PTPRG: variants seen among roughly 807,000 people sequenced by gnomAD.
PTPRG encodes the protein receptor-type tyrosine-protein phosphatase gamma.
Under a neutral mutation model 165.3 loss-of-function variants are expected in PTPRG, and 102 were observed. The ratio of observed to expected loss-of-function variants is 0.62; its 90% CI spans 0.53 to 0.73. PTPRG has a LOEUF of 0.73. PTPRG is among the 30% of genes least tolerant of loss of function. The probability of loss-of-function intolerance (pLI) is 0.00; values close to 1 mark genes in which losing one functional copy is unlikely to be tolerated. For synonymous variants in PTPRG, 675 were observed against 669.5 expected (o/e 1.01, Z -0.13); for missense variants, 1,866 against 1,861.4 (o/e 1.00, Z -0.05).
chr3:61,914,668 T>C (rs1430668620), intron 2 of PTPRG, among the ~76,000 whole-genome samples: 3 of 152,244 alleles, frequency 2.0e-5, no homozygotes, highest in Non-Finnish European at 4.4e-5. Flanking sequence ...GTTTCATTAA[T>C]TCAATCTTCT....
chr3:62,124,914 G>C (rs532943543), intron 5 of PTPRG, among the ~76,000 whole-genome samples: 10 of 152,220 alleles, frequency 6.6e-5, no homozygotes, highest in African/African-American at 2.4e-4. Context: ...TAAGCCACTA[G>C]ATCTAGCCCA....
rs1559734730 is a variant in PTPRG at position 62,269,018 on chromosome 3, C to T, written c.2875-17C>T. The T allele has an allele frequency of 1.3e-6, 2 of 1,535,602 alleles. No individual in the cohort carries two copies. Among genetic ancestry groups the T allele is most frequent in the South Asian group, 1.3e-5 (1 of 78,288 alleles). On this transcript the variant is annotated splice_polypyrimidine_tract_variant and intron_variant, in intron 19 of 29. Coordinates refer to ENST00000474889, the MANE Select transcript of PTPRG (RefSeq NM_002841.4). ...CATAGATTGCAGTTATACTTTACAA[C>T]TTTTTTCTTTCTGCAGCGAAAATGT...
chr3:61,580,156 G>C (rs1700254488), intron 1 of PTPRG, among the ~76,000 whole-genome samples: 1 of 152,114 alleles, frequency 6.6e-6, no homozygotes, highest in African/African-American at 2.4e-5. Context: ...GTCCAGAGTT[G>C]TACTCTGAGC....
chr3:62,025,980 AAG>A (rs1231364741), intron 4 of PTPRG, among the ~76,000 whole-genome samples: 2 of 152,228 alleles, frequency 1.3e-5, no homozygotes, highest in Non-Finnish European at 2.9e-5. Context: ...CATGATGCTT[AAG>A]TGATTTCTTT....
intron 2 of PTPRG, among the ~76,000 whole-genome samples, chr3:61,921,421 C>A (rs1224056394): frequency 6.6e-6 from 1 of 152,138 alleles, no homozygotes; most frequent in Admixed American, 6.5e-5. Context: ...AGTGACATTA[C>A]AGGTTAAGCG....
intron 2 of PTPRG, among the ~76,000 whole-genome samples, chr3:61,894,792 C>T (rs1006017559): frequency 6.6e-6 from 1 of 152,070 alleles, no homozygotes; most frequent in South Asian, 2.1e-4. Context: ...TACCTTTGCC[C>T]TTGGAGATCA....
At chr3:61,943,912 G>A (rs2039692498) in intron 2 of PTPRG, among the ~76,000 whole-genome samples, 2 of 152,176 alleles carry the variant, frequency 1.3e-5, no homozygotes, top group African/African-American at 2.4e-5. Context: ...AGTGTAGGTA[G>A]CAGTTTCAGA....
chr3:62,066,147 T>A (rs1701006387), intron 4 of PTPRG, among the ~76,000 whole-genome samples: 1 of 152,236 alleles, frequency 6.6e-6, no homozygotes, highest in Admixed American at 6.5e-5. Flanking sequence ...CCTGTGTTAA[T>A]TTTGCTTAGC....
At chr3:61,592,469 T>C (rs751120434) in intron 1 of PTPRG, among the ~76,000 whole-genome samples, 4 of 152,128 alleles carry the variant, frequency 2.6e-5, no homozygotes, top group Non-Finnish European at 4.4e-5. Flanking sequence ...AAAAAAGGAC[T>C]GAATTTTCCC....
intron 2 of PTPRG, among the ~76,000 whole-genome samples, chr3:61,904,200 C>T (rs954697635): frequency 2.6e-5 from 4 of 152,060 alleles, no homozygotes; most frequent in Non-Finnish European, 5.9e-5. Context: ...GGCTTTCATC[C>T]GCCTCAGACT....
At chr3:62,086,756 A>C (rs1366375796) in intron 5 of PTPRG, among the ~76,000 whole-genome samples, 1 of 152,212 alleles carries the variant, frequency 6.6e-6, no homozygotes, top group African/African-American at 2.4e-5. Flanking sequence ...AATTGATTTC[A>C]TAGGACTTAC....
intron 2 of PTPRG, among the ~76,000 whole-genome samples, chr3:61,798,223 C>A (rs1296746320): frequency 2.0e-5 from 3 of 152,152 alleles, no homozygotes; most frequent in Admixed American, 6.5e-5. Flanking sequence ...AGGAAATAAA[C>A]ACTTCAGATG....
chr3:61,578,289 C>T (rs1451678881), intron 1 of PTPRG, among the ~76,000 whole-genome samples: 1 of 152,168 alleles, frequency 6.6e-6, no homozygotes, highest in Non-Finnish European at 1.5e-5. Context: ...ACACGGCCTG[C>T]GGAAGCTTCT....
chr3:62,041,162 A>C (rs17065729), intron 4 of PTPRG, among the ~76,000 whole-genome samples: 17,001 of 152,248 alleles, frequency 0.11, 1,213 homozygotes, highest in Admixed American at 0.21. Context: ...CGGCACTTAC[A>C]ATATATTCAG....
chr3:61,744,280 G>A (rs530626527), intron 1 of PTPRG, among the ~76,000 whole-genome samples: 1 of 152,308 alleles, frequency 6.6e-6, no homozygotes, highest in Admixed American at 6.5e-5. Context: ...GACTTAAAGT[G>A]TTGTCTTATT....
At chr3:61,791,049 G>A (rs1575665967) in intron 2 of PTPRG, among the ~76,000 whole-genome samples, 1 of 152,158 alleles carries the variant, frequency 6.6e-6, no homozygotes, top group Admixed American at 6.5e-5. Context: ...TAAAACAATA[G>A]TCTAATCAAT....
At chr3:61,861,202 G>T (rs1374568657) in intron 2 of PTPRG, among the ~76,000 whole-genome samples, 2 of 152,154 alleles carry the variant, frequency 1.3e-5, no homozygotes, top group Non-Finnish European at 2.9e-5. Flanking sequence ...TTAGGAAGCT[G>T]AGCCTGTATT....
At chr3:61,604,789 G>A (rs951482592) in intron 1 of PTPRG, among the ~76,000 whole-genome samples, 4 of 151,982 alleles carry the variant, frequency 2.6e-5, no homozygotes, top group Non-Finnish European at 5.9e-5. Flanking sequence ...CCACATGGAG[G>A]GTTCATTGTG....
chr3:61,880,708 A>C (rs1053642413), intron 2 of PTPRG, among the ~76,000 whole-genome samples: 7 of 152,078 alleles, frequency 4.6e-5, no homozygotes, highest in Admixed American at 6.5e-5. Flanking sequence ...AGCTAAAAGA[A>C]TGAGAACGTG....
Sources: gnomAD v4.1 joint callset for allele counts (sites outside exome capture counted in the v4.1 genomes callset) on GRCh38, gnomAD v4.1.1 for gene constraint, MANE v1.5 for transcripts, NCBI Gene and HGNC (gene_info 2026-07-23, HGNC 2026-07-21) for gene names.